The following ATP2B3 variants were observed in gnomAD, a reference collection of about 807,000 sequenced individuals.
ATP2B3 encodes plasma membrane calcium-transporting ATPase 3.
ATP2B3 carries 12 observed loss-of-function variants against 70.8 expected under a neutral mutation model. The ratio of observed to expected loss-of-function variants is 0.17; its 90% CI spans 0.11 to 0.27. The LOEUF (loss-of-function observed/expected upper bound fraction) is 0.27. ATP2B3 is among the 10% of genes least tolerant of loss of function. ATP2B3 has a pLI of 1.00. For synonymous variants in ATP2B3, 460 were observed against 497.8 expected, an observed-to-expected ratio of 0.92 and a Z score of 1.01; for missense variants, 858 against 1,118.5, an observed-to-expected ratio of 0.77 and a Z score of 3.32.
chrX:153,532,730 C>T (rs1224317490), intron 2 of ATP2B3, among the ~76,000 whole-genome samples: 14 of 112,153 alleles, frequency 1.2e-4, no homozygotes, highest in African/African-American at 4.2e-4. Context: ...GGTATGTTCC[C>T]TGCCCTTTTG....
At chrX:153,530,390 A>G (rs1234879284) in intron 2 of ATP2B3, among the ~76,000 whole-genome samples, 1 of 110,212 alleles carries the variant, frequency 9.1e-6, no homozygotes, top group Admixed American at 9.5e-5. Flanking sequence ...ATTAGAGTAG[A>G]GCGCTGGGCC....
At chrX:153,561,992 C>A in intron 19 of ATP2B3, 143 bp from the exon 20 acceptor site, 1 of 559,539 alleles carries the variant, frequency 1.8e-6, no homozygotes, top group Non-Finnish European at 3.1e-6. Context: ...TCATCACGCC[C>A]CCGGCCTTGT....
chrX:153,559,981 C>T, intron 18 of ATP2B3, 39 bp downstream of exon 18: 1 of 1,154,919 alleles, frequency 8.7e-7, no homozygotes, highest in Non-Finnish European at 1.2e-6. Context: ...CTTCAGGACA[C>T]TGTTGCCACC....
chrX:153,579,337 G>A (rs1294947488), intron 21 of ATP2B3, among the ~76,000 whole-genome samples: 1 of 112,744 alleles, frequency 8.9e-6, no homozygotes, highest in African/African-American at 3.2e-5. Flanking sequence ...TTAGCCGCAG[G>A]GAGACCCTCG....
At chrX:153,570,771 G>A (rs782153904) in intron 21 of ATP2B3, among the ~76,000 whole-genome samples, 17 of 111,004 alleles carry the variant, frequency 1.5e-4, no homozygotes, top group African/African-American at 5.6e-4. Flanking sequence ...CTGCCAACAC[G>A]AACACGCCAC....
At chrX:153,548,601 C>A in intron 9 of ATP2B3, 39 bp from the exon 10 acceptor site, 1 of 1,145,649 alleles carries the variant, frequency 8.7e-7, no homozygotes. Flanking sequence ...TTCCCTCACC[C>A]GTGGCAACCC....
intron 21 of ATP2B3, chrX:153,569,966 C>A: frequency 2.4e-6 from 1 of 420,268 alleles, no homozygotes. Flanking sequence ...CATGGCACTT[C>A]CGGACCTCCC....
rs201003115 is a variant in ATP2B3 at position 153,541,313 on chromosome X, C to T, written c.209-46C>T. On this transcript the variant is annotated intron_variant, in intron 3 of 21. Transcript: ENST00000263519. ...AGGCCTGGGACACACAAGGCCGACC[C>T]GTCCCATCCCATCCTCCCCTTCTGT... The T allele has an allele frequency of 1.1e-5, 13 of 1,199,810 alleles. No individual in the cohort carries two copies. In the African/African-American group the frequency reaches 1.2e-4, roughly 11 times the overall value.
chrX:153,527,136 C>G (rs1490255010), intron 2 of ATP2B3, among the ~76,000 whole-genome samples: 1 of 112,756 alleles, frequency 8.9e-6, no homozygotes, highest in Non-Finnish European at 1.9e-5. Context: ...TCAGAGCTGG[C>G]TCTGAGATTG....
chrX:153,575,649 CG>C lies in ATP2B3; in HGVS notation c.3343-4322del, dbSNP rs782144376. Among the ~76,000 whole-genome samples the C allele has an allele frequency of 1.2e-4, 12 of 100,463 alleles. No individual in the cohort carries two copies. The East Asian group carries it at 2.2e-3, about 19-fold the overall frequency. 87.2% of individuals were successfully genotyped at this position (100,463 alleles called of 115,157 possible). ...TTGAAGGGAGCCACGGGGCTGGGGC[CG>C]GGGGGGTTGGGCCTGCTAAGTTTGA... On this transcript the variant is annotated intron_variant, in intron 21 of 21. Transcript: ENST00000263519.
chrX:153,529,471 C>T (rs1167528120), intron 2 of ATP2B3, among the ~76,000 whole-genome samples: 2 of 111,872 alleles, frequency 1.8e-5, no homozygotes, highest in African/African-American at 3.3e-5. Flanking sequence ...GGCTTGGGCA[C>T]CACGGGAGGC....
Position 153,580,377 on chromosome X carries a change from C to T in ATP2B3, c.*79C>T, listed in dbSNP as rs2090909549. ...ACACGCACACATGCACGCACACACA[C>T]ATATGGGGACCTGCACACCTGCAAA... is the stretch of plus-strand genomic sequence containing the variant. On this transcript the variant is annotated 3_prime_UTR_variant, in exon 22 of 22. Transcript: ENST00000263519. 2.1e-6 allele frequency: 2 copies of T among 959,012 alleles called. No individual in the cohort carries two copies. Among genetic ancestry groups the T allele is most frequent in the Admixed American group, 2.8e-5 (1 of 36,080 alleles). 79.0% of individuals were successfully genotyped at this position (959,012 alleles called of 1,213,427 possible).
chrX:153,549,485 C>T lies in ATP2B3; in HGVS notation c.1339-12C>T, dbSNP rs369644006. 6.6e-6 allele frequency: 8 copies of T among 1,209,859 alleles called. No homozygotes were observed. The highest frequency in any genetic ancestry group is 3.5e-5 in the African/African-American group (2 of 57,261). On this transcript the variant is annotated splice_polypyrimidine_tract_variant and intron_variant, in intron 10 of 21. Coordinates refer to ENST00000263519, the MANE Select transcript of ATP2B3 (RefSeq NM_001001344.3). ...CACCTGGGCCAAATGCCCACACCCT[C>T]GCCCTTTGCAGAAAATGATGAAAGA...
intron 12 of ATP2B3, among the ~76,000 whole-genome samples, chrX:153,552,077 C>A (rs1409434915): frequency 1.8e-5 from 2 of 112,492 alleles, no homozygotes; most frequent in Non-Finnish European, 3.8e-5. Context: ...GGGCCAGGAC[C>A]ACCTCCTCCC....
chrX:153,545,258 C>T (rs1293214194), intron 7 of ATP2B3, among the ~76,000 whole-genome samples: 1 of 113,529 alleles, frequency 8.8e-6, no homozygotes, highest in East Asian at 2.8e-4. Context: ...CCAGCCTGGC[C>T]TTGCAGGGCT....
intron 3 of ATP2B3, among the ~76,000 whole-genome samples, chrX:153,536,669 G>T (rs2090196221): frequency 8.9e-6 from 1 of 112,408 alleles, no homozygotes; most frequent in South Asian, 3.7e-4. Flanking sequence ...GCTCTATAGA[G>T]CGAGACTGGG....
At chrX:153,567,536 G>A (rs1405645694) in intron 21 of ATP2B3, among the ~76,000 whole-genome samples, 1 of 113,053 alleles carries the variant, frequency 8.8e-6, no homozygotes, top group Non-Finnish European at 1.9e-5. Context: ...TTTTCCAGCA[G>A]CTGAGACAAC....
chrX:153,563,421 G>T (rs192184484), intron 20 of ATP2B3, among the ~76,000 whole-genome samples: 2,864 of 111,406 alleles, frequency 0.026, 88 homozygotes, highest in African/African-American at 0.087. Flanking sequence ...GATTACAGGC[G>T]GGAGCCACCA....
chrX:153,545,391 C>A (rs1403058510), intron 7 of ATP2B3, among the ~76,000 whole-genome samples: 4 of 113,172 alleles, frequency 3.5e-5, no homozygotes, highest in African/African-American at 1.3e-4. Flanking sequence ...CACACTGGGG[C>A]CAGGCACAGT....
Sources: allele counts gnomAD v4.1 joint callset (sites outside exome capture counted in the v4.1 genomes callset), GRCh38; gene constraint gnomAD v4.1.1; transcripts MANE v1.5; gene names NCBI Gene and HGNC (gene_info 2026-07-23, HGNC 2026-07-21).